The following ZBTB1 variants were observed in gnomAD, a reference collection of about 807,000 sequenced individuals.
ZBTB1 encodes zinc finger and BTB domain containing 1.
In ZBTB1, 13 loss-of-function variants were observed where a neutral mutation model predicts 51.6. The ratio of observed to expected loss-of-function variants is 0.25; its 90% CI spans 0.16 to 0.40. ZBTB1 has a LOEUF of 0.40. ZBTB1 is among the 10% of genes least tolerant of loss of function. ZBTB1 has a pLI of 1.00. For synonymous variants in ZBTB1, 240 were observed against 282.2 expected (o/e 0.85, Z 1.50); for missense variants, 567 against 856.5 (o/e 0.66, Z 4.22).
rs939004378 is a variant in ZBTB1, at chr14:64,523,706, A to G, written c.*60A>G. ...CAGATAAAACACCAAAGCAAAGGATATGAGCTATTTAGGAATTGATTATAT... is the reference window on the plus strand; with the variant it reads ...CAGATAAAACACCAAAGCAAAGGATGTGAGCTATTTAGGAATTGATTATAT... On this transcript the variant is annotated 3_prime_UTR_variant, in exon 2 of 2. Transcript: ENST00000683701. This position sits in a 1 kb window ranked among gnomAD's most constrained non-coding sequence, Gnocchi z 4.5. 1 of 1,463,660 alleles carries G rather than the reference A, an allele frequency of 6.8e-7. No homozygotes were observed. Among genetic ancestry groups the G allele is most frequent in the African/African-American group, 1.4e-5 (1 of 70,246 alleles). 90.7% of individuals were successfully genotyped at this position (1,463,660 alleles called of 1,614,324 possible). A position where few individuals can be genotyped will look rare whatever the true frequency, so the allele number is the denominator to read the frequency against.
chr14:64,523,356 G>C lies in ZBTB1; in HGVS notation c.1852G>C (p.Glu618Gln), dbSNP rs767805322. The C allele has an allele frequency of 6.2e-6, 10 of 1,614,188 alleles. 1 individual carries two copies. Among genetic ancestry groups the C allele is most frequent in the South Asian group, 2.2e-5 (2 of 91,078 alleles). Reference sequence around the variant, plus strand: ...AACATGTGGAAAGCAGTTTTTAAGAGAGCGTCAGTTGCGACTGCACAATGA... The same window carrying C: ...AACATGTGGAAAGCAGTTTTTAAGACAGCGTCAGTTGCGACTGCACAATGA... ...CQTCGKQFLR[E>Q]RQLRLHNDMH... Residue 618 changes from glutamate (E) to glutamine (Q), a missense_variant, in exon 2 of 2, where the codon GAG (glutamate) becomes CAG (glutamine). Glu to Gln is a conservative substitution (Grantham distance 29). Coordinates refer to ENST00000683701, the MANE Select transcript of ZBTB1 (RefSeq NM_001123329.2). The surrounding 1 kb of genome is among the most constrained non-coding windows in gnomAD (Gnocchi z 4.5).
chr14:64,513,533 T>A (rs939882803), intron 1 of ZBTB1, among the ~76,000 whole-genome samples: 6 of 152,242 alleles, frequency 3.9e-5, no homozygotes, highest in Non-Finnish European at 7.3e-5. Flanking sequence ...ACCCTTGCTT[T>A]CTGTTTATCC....
At chr14:64,509,875 G>T (rs1173299389) in intron 1 of ZBTB1, among the ~76,000 whole-genome samples, 1 of 151,932 alleles carries the variant, frequency 6.6e-6, no homozygotes, top group Non-Finnish European at 1.5e-5. Context: ...TACTCTGGAG[G>T]CTGAGGCAGG....
At chr14:64,513,211 A>G (rs2079744213) in intron 1 of ZBTB1, among the ~76,000 whole-genome samples, 1 of 152,044 alleles carries the variant, frequency 6.6e-6, no homozygotes, top group African/African-American at 2.4e-5. Flanking sequence ...ATGTGTGCAT[A>G]TCTCACACAT....
chr14:64,511,636 T>C (rs1209755984), intron 1 of ZBTB1, among the ~76,000 whole-genome samples: 1 of 152,202 alleles, frequency 6.6e-6, no homozygotes, highest in African/African-American at 2.4e-5. Flanking sequence ...TCAATGAGTT[T>C]TTGTCTAATT....
intron 1 of ZBTB1, among the ~76,000 whole-genome samples, chr14:64,517,770 TA>T (rs2079803322): frequency 8.2e-5 from 6 of 73,456 alleles, no homozygotes; most frequent in African/African-American, 3.6e-4. Flanking sequence ...TATATATATA[TA>T]TATATATATA....
At chr14:64,508,075 A>T (rs1566629516) in intron 1 of ZBTB1, among the ~76,000 whole-genome samples, 1 of 152,172 alleles carries the variant, frequency 6.6e-6, no homozygotes, top group East Asian at 1.9e-4. Flanking sequence ...CTCCTTAGCC[A>T]TGTGTATTTA....
chr14:64,531,069 T>C (rs2079938700), intron 2 of ZBTB1, among the ~76,000 whole-genome samples: 1 of 152,214 alleles, frequency 6.6e-6, no homozygotes, highest in Admixed American at 6.5e-5. Flanking sequence ...GAACAGTTAA[T>C]TATACAGCTT....
In ZBTB1 at chr14:64,522,239, A is replaced by C. The variant is rs773651488; in HGVS notation, c.735A>C (p.Gln245His). 6.2e-7 allele frequency: 1 copy of C among 1,614,242 alleles called. No homozygotes were observed. The highest frequency in any genetic ancestry group is 1.1e-5 in the South Asian group (1 of 91,086). ...VLTCTNRHLY[Q>H]NTRSYHRIVD... ...CCTGTACTAACAGACATTTATACCA[A>C]AACACAAGATCTTACCATAGAATAG... The change falls in exon 2 of 2, where the codon CAA (glutamine) becomes CAC (histidine). Residue 245 changes from glutamine (Q) to histidine (H), a missense_variant. Physicochemically the swap from Gln to His is conservative, Grantham distance 24. This residue lies in a region of ZBTB1 where 329 missense variants were observed against 406.3 expected (regional missense o/e 0.81). Transcript: ENST00000683701.
rs758882545 is a variant in ZBTB1 at position 64,523,055 on chromosome 14, G to C, written c.1551G>C (p.Gln517His). Reference protein sequence around the residue: ...MLDDFRDNHYQINSIQKKQLF... With the variant: ...MLDDFRDNHYHINSIQKKQLF... ...ATGATTTTAGGGACAATCATTACCA[G>C]ATAAACAGTATCCAAAAAAAGCAGT... is the stretch of plus-strand genomic sequence containing the variant. The change falls in exon 2 of 2, where the codon CAG (glutamine) becomes CAC (histidine). Residue 517 changes from glutamine to histidine, a missense_variant. This residue lies in a region of ZBTB1 where 329 missense variants were observed against 406.3 expected (regional missense o/e 0.81). Transcript: ENST00000683701. This position sits in a 1 kb window ranked among gnomAD's most constrained non-coding sequence, Gnocchi z 4.5. 4.3e-6 allele frequency: 7 copies of C among 1,614,160 alleles called. No individual in the cohort carries two copies. The highest frequency in any genetic ancestry group is 2.2e-5 in the East Asian group (1 of 44,894).
intron 1 of ZBTB1, among the ~76,000 whole-genome samples, chr14:64,513,544 T>C (rs936425536): frequency 1.3e-5 from 2 of 152,242 alleles, no homozygotes; most frequent in Admixed American, 1.3e-4. Context: ...CTGTTTATCC[T>C]ACTCATTCAT....
chr14:64,513,443 CTG>C (rs1423476276), intron 1 of ZBTB1, among the ~76,000 whole-genome samples: 4 of 152,096 alleles, frequency 2.6e-5, no homozygotes, highest in Non-Finnish European at 4.4e-5. Flanking sequence ...ACCTTCTGTC[CTG>C]TTACATTTCC....
intron 1 of ZBTB1, among the ~76,000 whole-genome samples, chr14:64,518,112 C>T (rs1421897292): frequency 6.6e-6 from 1 of 152,118 alleles, no homozygotes; most frequent in East Asian, 1.9e-4. Flanking sequence ...GCTGGGATTA[C>T]AGGCATGAGC....
intron 1 of ZBTB1, among the ~76,000 whole-genome samples, chr14:64,519,252 G>A (rs949756541): frequency 2.7e-5 from 4 of 150,146 alleles, no homozygotes; most frequent in African/African-American, 4.9e-5. Context: ...GGGTTCAAGC[G>A]ATTCTCCCGC....
intron 1 of ZBTB1, among the ~76,000 whole-genome samples, chr14:64,507,515 A>C (rs1373851868): frequency 6.6e-6 from 1 of 152,212 alleles, no homozygotes; most frequent in Non-Finnish European, 1.5e-5. Context: ...TTAAAACGAG[A>C]GAAGGCAACA....
downstream of ZBTB1, among the ~76,000 whole-genome samples, chr14:64,526,093 C>G (rs2079901722): frequency 6.6e-6 from 1 of 152,094 alleles, no homozygotes; most frequent in African/African-American, 2.4e-5. Flanking sequence ...GCTGGGATTA[C>G]AGGCATGAGC....
At position 64,521,535 on chromosome 14, in the gene ZBTB1, C is replaced by T. The variant is rs2079859988; in HGVS notation, c.31C>T (p.Leu11Phe). Residue 11 changes from leucine to phenylalanine, a missense_variant, in exon 2 of 2, where the codon CTT becomes TTT. This residue lies in a region of ZBTB1 where 69 missense variants were observed against 136.4 expected (regional missense o/e 0.51). Transcript: ENST00000683701. Reference protein sequence around the residue: MAKPSHSSYVLQQLNNQREWG... With the variant: MAKPSHSSYVFQQLNNQREWG... ...AAAGCCCAGCCACAGCAGCTATGTC[C>T]TTCAGCAGCTAAACAACCAAAGAGA... 1 of 1,613,246 alleles carries T rather than the reference C, an allele frequency of 6.2e-7. No homozygotes were observed. Among genetic ancestry groups the T allele is most frequent in the Non-Finnish European group, 8.5e-7 (1 of 1,179,622 alleles).
downstream of ZBTB1, among the ~76,000 whole-genome samples, chr14:64,526,394 A>G (rs1596704295): frequency 6.6e-6 from 1 of 152,160 alleles, no homozygotes; most frequent in East Asian, 1.9e-4. Flanking sequence ...TGTGAAGGTA[A>G]TGAAACAAGT....
chr14:64,519,623 C>A (rs865879507), intron 1 of ZBTB1, among the ~76,000 whole-genome samples: 206 of 139,724 alleles, frequency 1.5e-3, no homozygotes, highest in African/African-American at 2.8e-3. Flanking sequence ...AAAAAAAAAA[C>A]AAAAAAAAAC....
Sources: gnomAD v4.1 joint callset for allele counts (sites outside exome capture counted in the v4.1 genomes callset) on GRCh38, gnomAD v4.1.1 for gene constraint, gnomAD v4.1.1 regional missense constraint, Gnocchi (gnomAD v3.1) non-coding constraint, MANE v1.5 for transcripts, NCBI Gene and HGNC (gene_info 2026-07-23, HGNC 2026-07-21) for gene names.